PRPF18: variants seen among roughly 807,000 people sequenced by gnomAD.
The protein encoded by PRPF18 is pre-mRNA-splicing factor 18.
In PRPF18, 38 loss-of-function variants were observed where a neutral mutation model predicts 46.5. That is an observed-to-expected ratio of 0.82 (90% CI 0.63 to 1.07). PRPF18 has a LOEUF of 1.07. PRPF18 is among the 50% of genes least tolerant of loss of function. The probability of loss-of-function intolerance (pLI) is 0.00; values close to 1 mark genes in which losing one functional copy is unlikely to be tolerated. For synonymous variants in PRPF18, 152 were observed against 146.7 expected, an observed-to-expected ratio of 1.04 and a Z score of -0.26; for missense variants, 263 against 410.0, an observed-to-expected ratio of 0.64 and a Z score of 3.10.
At chr10:13,614,370 T>C (rs2080310760) in intron 8 of PRPF18, among the ~76,000 whole-genome samples, 1 of 152,244 alleles carries the variant, frequency 6.6e-6, no homozygotes, top group Non-Finnish European at 1.5e-5. Context: ...ATATAGGCAG[T>C]GTTCATTTTA....
chr10:13,600,202 ATTTT>A (rs1225443858), intron 2 of PRPF18, 38 bp from the exon 3 acceptor site: 1 of 1,454,350 alleles, frequency 6.9e-7, no homozygotes. Context: ...TATCAACTAT[ATTTT>A]TAAAGCTGAA....
At chr10:13,615,862 T>G (rs530417241) in intron 8 of PRPF18, among the ~76,000 whole-genome samples, 2 of 152,288 alleles carry the variant, frequency 1.3e-5, no homozygotes, top group Admixed American at 1.3e-4. Context: ...GGGCCAGTGT[T>G]TCCTCTCTGT....
chr10:13,609,902 T>G (rs975605835), intron 4 of PRPF18, 137 bp from the exon 5 acceptor site: 28 of 798,130 alleles, frequency 3.5e-5, no homozygotes, highest in Non-Finnish European at 5.9e-6. Context: ...TAAATTGATG[T>G]GATTTGAGTC....
the PRPF18 span, chr10:13,654,566 T>TGAAA: frequency 7.6e-6 from 9 of 1,182,004 alleles, no homozygotes; most frequent in Non-Finnish European, 1.1e-5. Context: ...CAGACACAGG[T>TGAAA]GAAAGAGCTT....
intron 9 of PRPF18, among the ~76,000 whole-genome samples, chr10:13,624,459 G>C (rs1419068830): frequency 2.6e-5 from 4 of 152,234 alleles, no homozygotes; most frequent in Non-Finnish European, 5.9e-5. Flanking sequence ...CAGGCCATGG[G>C]AGAAGGCTGA....
At chr10:13,651,692 G>T in the PRPF18 span, 2 of 571,170 alleles carry the variant, frequency 3.5e-6, no homozygotes, top group Admixed American at 3.1e-5. Context: ...CATACTCTGG[G>T]GGTCTTTTCT....
At chr10:13,613,672 T>C (rs2080302305) in intron 6 of PRPF18, 69 bp from the exon 7 acceptor site, 46 of 1,483,842 alleles carry the variant, frequency 3.1e-5, no homozygotes, top group Non-Finnish European at 4.2e-5. Flanking sequence ...TTTTGTGTGC[T>C]AGAGAGCATT....
chr10:13,611,575 T>G, intron 5 of PRPF18, 40 bp from the exon 6 acceptor site: 1 of 1,538,236 alleles, frequency 6.5e-7, no homozygotes, highest in Non-Finnish European at 9.0e-7. Context: ...TAGTTGTTGC[T>G]CTGTATTAAT....
the PRPF18 span, chr10:13,643,084 A>AG: frequency 6.6e-6 from 1 of 152,268 alleles, no homozygotes; most frequent in Non-Finnish European, 1.5e-5. Flanking sequence ...TCTGTAAGTC[A>AG]GGGACTCTTT....
chr10:13,595,358 T>C (rs2080018428), intron 1 of PRPF18, among the ~76,000 whole-genome samples: 2 of 152,064 alleles, frequency 1.3e-5, no homozygotes, highest in East Asian at 2.0e-4. Context: ...GTTAAAAAGA[T>C]TGGACCATGG....
chr10:13,592,227 T>C (rs2079974349), intron 1 of PRPF18: 10 of 589,394 alleles, frequency 1.7e-5, no homozygotes, highest in Non-Finnish European at 3.2e-5. Flanking sequence ...TTCTTAGCCT[T>C]GAGGTGACCC....
intron 9 of PRPF18, among the ~76,000 whole-genome samples, chr10:13,623,975 C>A (rs914758084): frequency 6.6e-6 from 1 of 152,138 alleles, no homozygotes; most frequent in African/African-American, 2.4e-5. Context: ...GTGTACAGTT[C>A]ACCAATTAGA....
chr10:13,610,359 T>A (rs1369549623), intron 5 of PRPF18, among the ~76,000 whole-genome samples, 174 bp downstream of exon 5: 1 of 152,188 alleles, frequency 6.6e-6, no homozygotes, highest in African/African-American at 2.4e-5. Flanking sequence ...CCACTCACAT[T>A]CCCCTACTTC....
chr10:13,654,596 C>T, the PRPF18 span: 1 of 832,344 alleles, frequency 1.2e-6, no homozygotes, highest in Admixed American at 2.0e-5. Flanking sequence ...TGGCTGACAC[C>T]AACCCAGTGG....
chr10:13,655,870 G>C, the PRPF18 span: 1 of 152,240 alleles, frequency 6.6e-6, no homozygotes, highest in East Asian at 1.9e-4. Flanking sequence ...TGAGACCGGA[G>C]CACGAGGCAA....
the PRPF18 span, chr10:13,636,914 A>G: frequency 6.6e-6 from 1 of 152,218 alleles, no homozygotes; most frequent in African/African-American, 2.4e-5. Flanking sequence ...TCATTCCAAA[A>G]AAGAACCCCG....
At chr10:13,637,902 T>C in the PRPF18 span, 1 of 152,334 alleles carries the variant, frequency 6.6e-6, no homozygotes, top group East Asian at 1.9e-4. Flanking sequence ...TTGTTTTGCT[T>C]CTTTTGATGT....
intron 6 of PRPF18, among the ~76,000 whole-genome samples, chr10:13,613,153 G>A (rs778987269): frequency 5.9e-5 from 9 of 152,086 alleles, no homozygotes; most frequent in Non-Finnish European, 8.8e-5. Flanking sequence ...TGCCCCTAGA[G>A]GACAACATCC....
At chr10:13,626,665 A>G (rs2080509534) in intron 9 of PRPF18, among the ~76,000 whole-genome samples, 1 of 152,192 alleles carries the variant, frequency 6.6e-6, no homozygotes, top group South Asian at 2.1e-4. Flanking sequence ...CACTGTCAGT[A>G]TAGTATTTAG....
Sources: allele counts gnomAD v4.1 joint callset (sites outside exome capture counted in the v4.1 genomes callset), GRCh38; gene constraint gnomAD v4.1.1; transcripts MANE v1.5; gene names NCBI Gene and HGNC (gene_info 2026-07-23, HGNC 2026-07-21).